The following TBX5 variants were observed in gnomAD, a reference collection of about 807,000 sequenced individuals.
TBX5 encodes the protein T-box transcription factor 5.
TBX5 carries 8 observed loss-of-function variants against 51.1 expected under a neutral mutation model. That is an observed-to-expected ratio of 0.16 (90% CI 0.09 to 0.28). The LOEUF is 0.28. Among genes scored for constraint, TBX5 ranks in the 10% least tolerant of loss-of-function variants. TBX5 has a pLI of 1.00. For missense variants in TBX5, 589 were observed against 671.7 expected, an observed-to-expected ratio of 0.88 and a Z score of 1.36; for synonymous variants, 302 against 266.4, an observed-to-expected ratio of 1.13 and a Z score of -1.30.
chr12:114,372,097 G>C (rs533089133), intron 7 of TBX5, among the ~76,000 whole-genome samples: 1 of 152,088 alleles, frequency 6.6e-6, no homozygotes, highest in Non-Finnish European at 1.5e-5. Flanking sequence ...TGGAGGCTCC[G>C]ACGGGTGGGA....
At chr12:114,371,509 G>A (rs1216316413) in intron 7 of TBX5, among the ~76,000 whole-genome samples, 2 of 151,696 alleles carry the variant, frequency 1.3e-5, no homozygotes, top group African/African-American at 2.4e-5. Flanking sequence ...CCGGGAGAAC[G>A]TTTTCCACTA....
chr12:114,382,279 C>T (rs1177480477), intron 7 of TBX5, among the ~76,000 whole-genome samples: 1 of 151,920 alleles, frequency 6.6e-6, no homozygotes, highest in Non-Finnish European at 1.5e-5. Context: ...GCACCACTGC[C>T]CTCCAGCCTG....
chr12:114,398,057 C>G (rs919183189), intron 5 of TBX5, among the ~76,000 whole-genome samples: 1 of 152,192 alleles, frequency 6.6e-6, no homozygotes, highest in African/African-American at 2.4e-5. Context: ...CACTCCTAAC[C>G]ACAGATCGAA....
chr12:114,390,339 A>G (rs1055301296), intron 6 of TBX5, among the ~76,000 whole-genome samples: 1 of 152,226 alleles, frequency 6.6e-6, no homozygotes, highest in Non-Finnish European at 1.5e-5. Flanking sequence ...AAACTGATAC[A>G]CCTGGATTTC....
intron 5 of TBX5, among the ~76,000 whole-genome samples, chr12:114,397,138 C>T (rs1871475487): frequency 6.6e-6 from 1 of 152,170 alleles, no homozygotes; most frequent in African/African-American, 2.4e-5. Context: ...CTTCATAAAC[C>T]ATCCTCCCCC....
intron 8 of TBX5, among the ~76,000 whole-genome samples, chr12:114,356,823 A>C (rs1055634112): frequency 6.6e-6 from 1 of 152,198 alleles, no homozygotes. Flanking sequence ...TATTATCCTC[A>C]TCTTACAGAT....
chr12:114,371,516 A>T (rs1869901705), intron 7 of TBX5, among the ~76,000 whole-genome samples: 1 of 151,530 alleles, frequency 6.6e-6, no homozygotes. Context: ...AACGTTTTCC[A>T]CTACAGCCGA....
At chr12:114,399,086 G>T (rs1871627070) in intron 4 of TBX5, among the ~76,000 whole-genome samples, 1 of 152,192 alleles carries the variant, frequency 6.6e-6, no homozygotes, top group Admixed American at 6.5e-5. Flanking sequence ...TTCTACCCAA[G>T]AAATGGGCCT....
At chr12:114,371,441 G>A (rs1333196048) in intron 7 of TBX5, among the ~76,000 whole-genome samples, 1 of 152,124 alleles carries the variant, frequency 6.6e-6, no homozygotes, top group Non-Finnish European at 1.5e-5. Context: ...ACGTTACAAG[G>A]GAATATTGAA....
intron 2 of TBX5, among the ~76,000 whole-genome samples, chr12:114,402,425 C>T (rs1871890112): frequency 6.6e-6 from 1 of 152,206 alleles, no homozygotes; most frequent in South Asian, 2.1e-4. Context: ...GATGCCCACA[C>T]ATCAAACATA....
chr12:114,369,211 A>T (rs2136377454), intron 7 of TBX5, among the ~76,000 whole-genome samples: 1 of 152,296 alleles, frequency 6.6e-6, no homozygotes. Flanking sequence ...ATAACCTCCA[A>T]AAAATGTTGG....
chr12:114,378,898 A>C (rs1870354297), intron 7 of TBX5, among the ~76,000 whole-genome samples: 1 of 152,192 alleles, frequency 6.6e-6, no homozygotes, highest in Non-Finnish European at 1.5e-5. Context: ...AGTCACATTC[A>C]ACCAAAAGAA....
chr12:114,399,648 G>C lies in TBX5; in HGVS notation c.243-16C>G. The C allele has an allele frequency of 1.5e-5, 24 of 1,614,072 alleles. No homozygotes were observed. The highest frequency in any genetic ancestry group is 2.0e-5 in the Non-Finnish European group (24 of 1,179,992). Reference sequence around the variant, plus strand: ...AAACATCCGCCTAAGAGAGAGGGACGGAGGGAGAGAGGGGGGCGGGAATTA... The same window carrying C: ...AAACATCCGCCTAAGAGAGAGGGACCGAGGGAGAGAGGGGGGCGGGAATTA... On this transcript the variant is annotated splice_polypyrimidine_tract_variant and intron_variant, in intron 3 of 8. Coordinates refer to ENST00000405440, the MANE Select transcript of TBX5 (RefSeq NM_181486.4).
At position 114,370,075 on chromosome 12, in the gene TBX5, C is replaced by T. The variant is rs150496290; in HGVS notation, c.756-3684G>A. Reference sequence around the variant, plus strand: ...TTCAAGACCAGTCTGGTCAACATGACGAAACCTTGTCTCTACTAAAAATAC... The same window carrying T: ...TTCAAGACCAGTCTGGTCAACATGATGAAACCTTGTCTCTACTAAAAATAC... On this transcript the variant is annotated intron_variant, in intron 7 of 8. Transcript: ENST00000405440. 7.9e-5 allele frequency among the ~76,000 whole-genome samples: 12 copies of T among 151,846 alleles called. No homozygotes were observed. The East Asian group carries it at 1.2e-3, about 15-fold the overall frequency.
chr12:114,404,698 G>T (rs561592805), intron 1 of TBX5, among the ~76,000 whole-genome samples: 2 of 152,238 alleles, frequency 1.3e-5, no homozygotes, highest in Non-Finnish European at 2.9e-5. Context: ...AGGAAGGCTC[G>T]TCACTGGGTG....
At position 114,405,796 on chromosome 12, in the gene TBX5, C is replaced by A. The variant is rs570678278; in HGVS notation, c.-207G>T. ...ACTAGGGCGCACCTACCGCTGGAGC[C>A]TCCGCGGCGACTGCCCACCTCCAAC... On this transcript the variant is annotated 5_prime_UTR_variant, in exon 1 of 9. The change creates a new upstream start codon in the 5' untranslated region. Transcript: ENST00000405440. 73 of 985,560 alleles carry A rather than the reference C, an allele frequency of 7.4e-5. No homozygotes were observed. The African/African-American group carries it at 1.2e-3, about 16-fold the overall frequency. The allele number at this position is 985,560 out of a possible 1,614,324, so 61.1% of individuals were successfully genotyped here.
At chr12:114,395,775 G>T (rs1593876937) in intron 5 of TBX5, among the ~76,000 whole-genome samples, 1 of 152,130 alleles carries the variant, frequency 6.6e-6, no homozygotes, top group South Asian at 2.1e-4. Flanking sequence ...GACAAGAGGG[G>T]TCCTAACTGC....
chr12:114,388,086 C>T (rs904851309), intron 6 of TBX5, among the ~76,000 whole-genome samples: 2 of 152,074 alleles, frequency 1.3e-5, no homozygotes, highest in Non-Finnish European at 2.9e-5. Flanking sequence ...TGAGCTCAAG[C>T]AATCCTCCTG....
chr12:114,398,787 G>T (rs1871598037), intron 4 of TBX5, 67 bp from the exon 5 acceptor site: 2 of 1,549,722 alleles, frequency 1.3e-6, no homozygotes, highest in African/African-American at 1.4e-5. Context: ...GCACCGAAGC[G>T]TGCTTCAGTT....
Sources: allele counts gnomAD v4.1 joint callset (sites outside exome capture counted in the v4.1 genomes callset), GRCh38; gene constraint gnomAD v4.1.1; transcripts MANE v1.5; gene names NCBI Gene and HGNC (gene_info 2026-07-23, HGNC 2026-07-21).